The following ARHGAP10 variants were observed in gnomAD, a reference collection of about 807,000 sequenced individuals.
The protein encoded by ARHGAP10 is rho GTPase-activating protein 10.
A neutral mutation model predicts 108.6 loss-of-function variants in ARHGAP10; 87 were observed. The observed-to-expected ratio is 0.80, with a 90% CI of 0.67 to 0.96. The LOEUF is 0.96. Among genes scored for constraint, ARHGAP10 ranks in the 40% least tolerant of loss-of-function variants. The pLI, the probability that ARHGAP10 is intolerant of heterozygous loss-of-function variation, is 0.00. For synonymous variants in ARHGAP10, 347 were observed against 341.1 expected, an observed-to-expected ratio of 1.02 and a Z score of -0.19; for missense variants, 939 against 954.5, an observed-to-expected ratio of 0.98 and a Z score of 0.21.
At chr4:147,811,387 C>T (rs942415984) in intron 1 of ARHGAP10, among the ~76,000 whole-genome samples, 1 of 152,148 alleles carries the variant, frequency 6.6e-6, no homozygotes, top group Non-Finnish European at 1.5e-5. Flanking sequence ...GGAGTTTGGT[C>T]TACCTGAGGC....
chr4:147,977,542 C>T (rs1739640878), intron 18 of ARHGAP10, among the ~76,000 whole-genome samples: 1 of 152,106 alleles, frequency 6.6e-6, no homozygotes, highest in Admixed American at 6.5e-5. Context: ...GGCTGGGCTC[C>T]TTATATGACA....
At chr4:147,948,379 T>C (rs1738468902) in intron 15 of ARHGAP10, among the ~76,000 whole-genome samples, 1 of 152,170 alleles carries the variant, frequency 6.6e-6, no homozygotes, top group Non-Finnish European at 1.5e-5. Context: ...CCATGTTCAA[T>C]TTTTACCAAC....
At position 147,961,892 on chromosome 4, in the gene ARHGAP10, C is replaced by G. The variant is rs190462857; in HGVS notation, c.1451-3132C>G. 4.6e-5 allele frequency among the ~76,000 whole-genome samples: 7 copies of G among 152,282 alleles called. No homozygotes were observed. In the East Asian group the frequency reaches 1.4e-3, roughly 29 times the overall value. ...CCTGGTCCTCCCACCTCTTCCTCCT[C>G]CTTGGCTGCATTGCCTGCTTGACTT... On this transcript the variant is annotated intron_variant, in intron 16 of 22. Transcript: ENST00000336498.
chr4:147,766,799 C>CAT (rs57572532), intron 1 of ARHGAP10, among the ~76,000 whole-genome samples: 184 of 126,314 alleles, frequency 1.5e-3, no homozygotes, highest in African/African-American at 4.3e-3. Context: ...CATATATTCA[C>CAT]ATATATATAT....
intron 17 of ARHGAP10, among the ~76,000 whole-genome samples, chr4:147,966,303 C>A (rs1436615068): frequency 6.6e-6 from 1 of 152,196 alleles, no homozygotes; most frequent in Non-Finnish European, 1.5e-5. Context: ...ATCCAGTATT[C>A]CCTGTGGACA....
intron 1 of ARHGAP10, among the ~76,000 whole-genome samples, chr4:147,802,641 G>T (rs953983529): frequency 2.0e-5 from 3 of 152,202 alleles, no homozygotes; most frequent in Admixed American, 1.3e-4. Context: ...GCTCTGCTTC[G>T]CAGGAAACCA....
At chr4:147,899,590 A>C (rs1237099629) in intron 10 of ARHGAP10, among the ~76,000 whole-genome samples, 1 of 152,142 alleles carries the variant, frequency 6.6e-6, no homozygotes, top group Non-Finnish European at 1.5e-5. Context: ...CTTTCATTGG[A>C]ACATACAATC....
At chr4:147,985,471 C>A (rs776789913) in intron 18 of ARHGAP10, among the ~76,000 whole-genome samples, 15 of 152,198 alleles carry the variant, frequency 9.9e-5, no homozygotes, top group Non-Finnish European at 2.1e-4. Flanking sequence ...CCTCATTGCC[C>A]AGATAAACCA....
At chr4:147,906,517 G>C (rs1423547772) in intron 10 of ARHGAP10, 121 bp from the exon 11 acceptor site, 2 of 840,306 alleles carry the variant, frequency 2.4e-6, no homozygotes, top group Non-Finnish European at 3.8e-6. Context: ...ATAAATTTTA[G>C]GTTACATGTA....
At chr4:147,985,782 G>A (rs1382021932) in intron 18 of ARHGAP10, among the ~76,000 whole-genome samples, 1 of 152,212 alleles carries the variant, frequency 6.6e-6, no homozygotes, top group African/African-American at 2.4e-5. Context: ...CTCAGCGTCT[G>A]TAAGCTTTTC....
chr4:147,771,364 G>T (rs1312024447), intron 1 of ARHGAP10, among the ~76,000 whole-genome samples: 1 of 152,030 alleles, frequency 6.6e-6, no homozygotes, highest in Admixed American at 6.6e-5. Context: ...TATATTTGTG[G>T]GTTATCTGTA....
At chr4:147,876,989 G>C (rs927633292) in intron 8 of ARHGAP10, among the ~76,000 whole-genome samples, 1 of 152,284 alleles carries the variant, frequency 6.6e-6, no homozygotes, top group East Asian at 1.9e-4. Context: ...AATGTCTCCC[G>C]TAAATTGCTT....
intron 10 of ARHGAP10, among the ~76,000 whole-genome samples, chr4:147,896,180 T>G (rs1408468733): frequency 6.6e-6 from 1 of 152,312 alleles, no homozygotes; most frequent in East Asian, 1.9e-4. Flanking sequence ...ATCTTCATTT[T>G]TTATGTCCTT....
At chr4:147,866,915 T>G in intron 7 of ARHGAP10, 99 bp downstream of exon 7, 3 of 1,054,192 alleles carry the variant, frequency 2.8e-6, no homozygotes, top group African/African-American at 1.6e-5. Flanking sequence ...ACAATGCTGA[T>G]CTGTTTGTAC....
intron 1 of ARHGAP10, among the ~76,000 whole-genome samples, chr4:147,778,129 T>A (rs1196665766): frequency 6.6e-6 from 1 of 152,178 alleles, no homozygotes; most frequent in African/African-American, 2.4e-5. Context: ...AGTGTCGGTT[T>A]AGCGCTGAGA....
intron 1 of ARHGAP10, among the ~76,000 whole-genome samples, chr4:147,808,524 T>C (rs1579069912): frequency 6.6e-6 from 1 of 152,110 alleles, no homozygotes; most frequent in Non-Finnish European, 1.5e-5. Context: ...ATCCAATTCA[T>C]ATTTTAAGTT....
chr4:148,000,398 G>A (rs529253393), intron 18 of ARHGAP10, among the ~76,000 whole-genome samples: 1 of 152,288 alleles, frequency 6.6e-6, no homozygotes, highest in East Asian at 1.9e-4. Flanking sequence ...GTGTGCATGT[G>A]TCTTTATAGC....
intron 18 of ARHGAP10, among the ~76,000 whole-genome samples, chr4:147,970,434 G>T (rs1428617300): frequency 2.0e-5 from 3 of 151,890 alleles, no homozygotes; most frequent in African/African-American, 7.3e-5. Flanking sequence ...GCGGTGGGGG[G>T]AGGGTGCAAA....
intron 1 of ARHGAP10, among the ~76,000 whole-genome samples, chr4:147,746,345 G>A (rs894987999): frequency 2.7e-5 from 4 of 146,768 alleles, no homozygotes; most frequent in East Asian, 2.0e-4. Flanking sequence ...CTTGTGATCC[G>A]CCCGCCTTGG....
Sources: gnomAD v4.1 joint callset for allele counts (sites outside exome capture counted in the v4.1 genomes callset) on GRCh38, gnomAD v4.1.1 for gene constraint, MANE v1.5 for transcripts, NCBI Gene and HGNC (gene_info 2026-07-23, HGNC 2026-07-21) for gene names.